Variants in LRRC69 observed in about 807,000 individuals in gnomAD.
LRRC69 encodes leucine rich repeat containing 69.
Under a neutral mutation model 37.8 loss-of-function variants are expected in LRRC69, and 42 were observed. The ratio of observed to expected loss-of-function variants is 1.11; its 90% CI spans 0.87 to 1.44. The LOEUF (loss-of-function observed/expected upper bound fraction) is 1.44. Among genes scored for constraint, LRRC69 ranks in the 40% most tolerant of loss-of-function variants. The pLI is 0.00. For synonymous variants in LRRC69, 141 were observed against 143.1 expected (o/e 0.99, Z 0.11); for missense variants, 357 against 401.9 (o/e 0.89, Z 0.96).
At chr8:91,111,231 A>G (rs923229864) in intron 1 of LRRC69, among the ~76,000 whole-genome samples, 9 of 152,076 alleles carry the variant, frequency 5.9e-5, no homozygotes, top group African/African-American at 1.9e-4. Context: ...AATACTATGC[A>G]GTCATAAAAA....
chr8:91,157,702 G>A (rs886468518), intron 5 of LRRC69: 27 of 1,600,474 alleles, frequency 1.7e-5, no homozygotes, highest in South Asian at 1.3e-4. Flanking sequence ...GCGGCATGAA[G>A]CAAAAATATA....
chr8:91,166,012 C>T (rs576908190), intron 5 of LRRC69, among the ~76,000 whole-genome samples: 1 of 151,816 alleles, frequency 6.6e-6, no homozygotes, highest in South Asian at 2.1e-4. Flanking sequence ...TTGGTTGGGG[C>T]AGCATTGTGT....
At chr8:91,209,521 C>T (rs1163466398) in intron 7 of LRRC69, 1 of 152,114 alleles carries the variant, frequency 6.6e-6, no homozygotes, top group East Asian at 1.9e-4. Flanking sequence ...TGACTAATCT[C>T]CAAGCAATGT....
intron 6 of LRRC69, among the ~76,000 whole-genome samples, chr8:91,194,431 C>T (rs1221210723): frequency 6.6e-6 from 1 of 151,840 alleles, no homozygotes; most frequent in Non-Finnish European, 1.5e-5. Context: ...GGTACCAGTT[C>T]CTCCTTGTAC....
intron 6 of LRRC69, among the ~76,000 whole-genome samples, chr8:91,191,470 T>C (rs903660221): frequency 6.6e-6 from 1 of 152,128 alleles, no homozygotes; most frequent in African/African-American, 2.4e-5. Flanking sequence ...CCTAAAAAGA[T>C]AGGTATCATT....
intron 4 of LRRC69, among the ~76,000 whole-genome samples, chr8:91,133,990 C>T (rs540743970): frequency 5.9e-5 from 9 of 151,746 alleles, no homozygotes; most frequent in Non-Finnish European, 1.3e-4. Flanking sequence ...GTATACAGAA[C>T]AAAATACAAG....
At chr8:91,207,311 A>G (rs1308625078) in intron 7 of LRRC69, among the ~76,000 whole-genome samples, 1 of 152,264 alleles carries the variant, frequency 6.6e-6, no homozygotes, top group Non-Finnish European at 1.5e-5. Context: ...ATCATGAGGT[A>G]ATGCATAAAC....
intron 5 of LRRC69, among the ~76,000 whole-genome samples, chr8:91,175,967 T>A (rs183788603): frequency 2.7e-3 from 404 of 151,600 alleles, no homozygotes; most frequent in African/African-American, 9.3e-3. Flanking sequence ...TTTCTTTTCT[T>A]TCATGTATGA....
intron 1 of LRRC69, among the ~76,000 whole-genome samples, chr8:91,118,973 C>G (rs1264564236): frequency 1.3e-5 from 2 of 152,042 alleles, no homozygotes; most frequent in African/African-American, 4.8e-5. Context: ...GAGTTACTTT[C>G]CATTGCATTA....
At chr8:91,211,317 GA>G (rs1208613859) in intron 7 of LRRC69, among the ~76,000 whole-genome samples, 1 of 151,850 alleles carries the variant, frequency 6.6e-6, no homozygotes, top group African/African-American at 2.4e-5. Flanking sequence ...AATGGAATTA[GA>G]ATAAGTGTAT....
At chr8:91,167,259 A>G (rs1809046448) in intron 5 of LRRC69, among the ~76,000 whole-genome samples, 1 of 151,912 alleles carries the variant, frequency 6.6e-6, no homozygotes, top group African/African-American at 2.4e-5. Flanking sequence ...CCTCACAATC[A>G]TGGCGGAAGG....
At chr8:91,202,541 G>A (rs1809730175) in intron 7 of LRRC69, among the ~76,000 whole-genome samples, 1 of 152,196 alleles carries the variant, frequency 6.6e-6, no homozygotes. Context: ...AGGTAAAGAA[G>A]GTCAGGTAGA....
intron 3 of LRRC69, among the ~76,000 whole-genome samples, chr8:91,128,479 T>A (rs1813756925): frequency 6.6e-6 from 1 of 152,010 alleles, no homozygotes; most frequent in East Asian, 1.9e-4. Flanking sequence ...ATTGTCTATA[T>A]TCTGGCCATA....
chr8:91,120,613 T>C (rs1307203849), intron 1 of LRRC69, among the ~76,000 whole-genome samples: 1 of 152,102 alleles, frequency 6.6e-6, no homozygotes, highest in African/African-American at 2.4e-5. Context: ...ACCTTCCAGG[T>C]AAAGCCCTTC....
chr8:91,153,092 C>G (rs1214517615), intron 5 of LRRC69, among the ~76,000 whole-genome samples: 2 of 151,130 alleles, frequency 1.3e-5, no homozygotes, highest in Non-Finnish European at 3.0e-5. Context: ...TTCTAACAAA[C>G]AGACTTTAAA....
chr8:91,190,129 C>A (rs534598377), intron 6 of LRRC69, among the ~76,000 whole-genome samples: 1 of 152,272 alleles, frequency 6.6e-6, no homozygotes, highest in East Asian at 1.9e-4. Context: ...GGCTATGATT[C>A]TCCATCAAGA....
chr8:91,213,961 C>A (rs975287849), intron 7 of LRRC69, among the ~76,000 whole-genome samples: 9 of 151,992 alleles, frequency 5.9e-5, no homozygotes, highest in African/African-American at 2.2e-4. Context: ...TGAACTTGAT[C>A]TTGTTTGGAA....
chr8:91,182,272 C>T (rs1809338080), intron 5 of LRRC69, among the ~76,000 whole-genome samples: 3 of 152,016 alleles, frequency 2.0e-5, no homozygotes, highest in Admixed American at 2.0e-4. Flanking sequence ...TTGCATACTG[C>T]TTACTTTACT....
chr8:91,156,010 A>G (rs71528782), intron 5 of LRRC69, among the ~76,000 whole-genome samples: 7,881 of 150,192 alleles, frequency 0.052, 292 homozygotes, highest in Middle Eastern at 0.16. Flanking sequence ...ATATTGTACT[A>G]CTGTAAACAT....
Sources: gnomAD v4.1 joint callset for allele counts (sites outside exome capture counted in the v4.1 genomes callset) on GRCh38, gnomAD v4.1.1 for gene constraint, MANE v1.5 for transcripts, NCBI Gene and HGNC (gene_info 2026-07-23, HGNC 2026-07-21) for gene names.